The following PLBD1 variants were observed in gnomAD, a reference collection of about 807,000 sequenced individuals.
PLBD1 encodes the protein lysosomal leucine aminopeptidase.
A neutral mutation model predicts 63.0 loss-of-function variants in PLBD1; 60 were observed. The observed-to-expected ratio is 0.95, with a 90% CI of 0.77 to 1.18. The LOEUF (loss-of-function observed/expected upper bound fraction) is 1.18. Ranked by LOEUF, PLBD1 falls within the 50% of genes most tolerant of loss-of-function variation. PLBD1 has a pLI of 0.00. For synonymous variants in PLBD1, 262 were observed against 248.0 expected, an observed-to-expected ratio of 1.06 and a Z score of -0.53; for missense variants, 598 against 677.9, an observed-to-expected ratio of 0.88 and a Z score of 1.31.
At chr12:14,553,075 G>A in intron 2 of PLBD1, 118 bp downstream of exon 2, 2 of 915,848 alleles carry the variant, frequency 2.2e-6, no homozygotes, top group South Asian at 1.6e-5. Flanking sequence ...TATCACACAT[G>A]TGAACTCCAG....
intron 4 of PLBD1, among the ~76,000 whole-genome samples, chr12:14,537,284 T>C (rs1243100357): frequency 2.0e-5 from 3 of 152,126 alleles, no homozygotes; most frequent in Non-Finnish European, 4.4e-5. Context: ...GTTTGCACTC[T>C]ACAGCAGTGC....
At chr12:14,558,773 CTA>C (rs1374640421) in intron 1 of PLBD1, among the ~76,000 whole-genome samples, 2 of 152,174 alleles carry the variant, frequency 1.3e-5, no homozygotes, top group African/African-American at 4.8e-5. Flanking sequence ...AAACCAAGAG[CTA>C]TGTTTTCACT....
At chr12:14,512,152 CTTT>C (rs10708766) in intron 6 of PLBD1, among the ~76,000 whole-genome samples, 21 of 137,610 alleles carry the variant, frequency 1.5e-4, no homozygotes, top group East Asian at 2.1e-4. Flanking sequence ...TATAAGTCTA[CTTT>C]TTTTTTTTTT....
chr12:14,549,794 A>G (rs1330567190), intron 2 of PLBD1, among the ~76,000 whole-genome samples: 1 of 152,016 alleles, frequency 6.6e-6, no homozygotes, highest in Non-Finnish European at 1.5e-5. Flanking sequence ...CAGCCTCCCA[A>G]GTAGCTGGGA....
chr12:14,540,013 CATATATATATATATATATATAT>C (rs58124579), intron 4 of PLBD1, among the ~76,000 whole-genome samples: 1 of 22,780 alleles, frequency 4.4e-5, no homozygotes, highest in African/African-American at 9.8e-5. Context: ...AAGCTATGCA[CATATATATATATATATATATAT>C]ATATATATAT....
At chr12:14,506,347 G>C (rs1945256143) in intron 9 of PLBD1, 79 bp from the exon 10 acceptor site, 6 of 1,024,980 alleles carry the variant, frequency 5.9e-6, no homozygotes, top group Non-Finnish European at 8.9e-6. Context: ...TTTGAGGCCT[G>C]TTAAAGCCTA....
chr12:14,509,007 C>G (rs1472215635), intron 8 of PLBD1, among the ~76,000 whole-genome samples: 1 of 149,196 alleles, frequency 6.7e-6, no homozygotes, highest in African/African-American at 2.4e-5. Flanking sequence ...ACCCCGACGC[C>G]CCCGCCTTTT....
rs1375921765 is a variant in PLBD1 at position 14,567,863 on chromosome 12, G to A, written c.-167C>T. ...GCCCGGCCTGCTCCGGGCTCTGAGGGGCGAGGACGCTTCACGTGGTGGCCT... is the reference window on the plus strand; with the variant it reads ...GCCCGGCCTGCTCCGGGCTCTGAGGAGCGAGGACGCTTCACGTGGTGGCCT... On this transcript the variant is annotated 5_prime_UTR_variant, in exon 1 of 11. Transcript: ENST00000240617. 4.1e-6 allele frequency: 4 copies of A among 966,230 alleles called. No homozygotes were observed. Among genetic ancestry groups the A allele is most frequent in the African/African-American group, 1.7e-5 (1 of 57,932 alleles). The allele number at this position is 966,230 out of a possible 1,614,324, so 59.9% of individuals were successfully genotyped here.
Position 14,507,037 on chromosome 12 carries a change from C to T in PLBD1, c.1268G>A (p.Gly423Asp). The T allele has an allele frequency of 1.2e-6, 2 of 1,613,850 alleles. No individual in the cohort carries two copies. Among genetic ancestry groups the T allele is most frequent in the Non-Finnish European group, 1.7e-6 (2 of 1,179,854 alleles). ...SGYPLLVQKL[G>D]LDYSYDLAPR... is the part of the protein sequence containing the mutation. ...AGCTAAATCATAAGAGTAGTCCAAG[C>T]CCAGCTTCTGAACTAACAGTGGATA... The change falls in exon 9 of 11, where the codon GGC (glycine) becomes GAC (aspartate). Residue 423 changes from glycine (G) to aspartate (D), a missense_variant. By Grantham distance (94) the Gly-to-Asp change is moderately conservative. Coordinates refer to ENST00000240617, the MANE Select transcript of PLBD1 (RefSeq NM_024829.6).
intron 6 of PLBD1, among the ~76,000 whole-genome samples, chr12:14,521,422 G>T (rs565231387): frequency 6.6e-6 from 1 of 152,084 alleles, no homozygotes; most frequent in Non-Finnish European, 1.5e-5. Flanking sequence ...CACCCGTGGC[G>T]CATGAAACAA....
At chr12:14,556,931 C>T (rs1299506184) in intron 1 of PLBD1, among the ~76,000 whole-genome samples, 2 of 142,680 alleles carry the variant, frequency 1.4e-5, no homozygotes, top group African/African-American at 5.2e-5. Context: ...TTGCAGTGAG[C>T]CGAGATCGTG....
At chr12:14,533,558 T>G (rs775450104) in intron 6 of PLBD1, among the ~76,000 whole-genome samples, 1 of 152,224 alleles carries the variant, frequency 6.6e-6, no homozygotes. Flanking sequence ...CTGGAGAGCA[T>G]TGTATTCCAC....
At chr12:14,506,800 C>T (rs1196011299) in intron 9 of PLBD1, 133 bp downstream of exon 9, 2 of 692,566 alleles carry the variant, frequency 2.9e-6, no homozygotes, top group Admixed American at 3.4e-5. Context: ...ATAAAATGTA[C>T]AATATTAGTT....
chr12:14,506,937 G>C lies in PLBD1; in HGVS notation c.1368C>G (p.Tyr456Ter). The C allele has an allele frequency of 6.2e-7, 1 of 1,613,794 alleles. No individual in the cohort carries two copies. The highest frequency in any genetic ancestry group is 8.5e-7 in the Non-Finnish European group (1 of 1,179,778). Residue 456 changes from tyrosine (Y) to a stop codon, truncating the protein, a stop_gained, in exon 9 of 11, where the codon TAC becomes TAG. Transcript: ENST00000240617. LOFTEE classifies it high-confidence loss of function. Reference protein sequence around the residue: ...DTASMKYIMRYNNYKKDPYSR... With the variant: ...DTASMKYIMR Reference sequence around the variant, plus strand: ...CTTGAGAAATATGCTACGTACTGTTGTATCGCATGATATATTTCATGGATG... The same window carrying C: ...CTTGAGAAATATGCTACGTACTGTTCTATCGCATGATATATTTCATGGATG...
At chr12:14,521,121 T>G (rs1041221952) in intron 6 of PLBD1, among the ~76,000 whole-genome samples, 7 of 152,116 alleles carry the variant, frequency 4.6e-5, no homozygotes, top group African/African-American at 1.7e-4. Context: ...AGCTACTGTT[T>G]CCTATCCACC....
chr12:14,543,458 C>T (rs1945591183), intron 2 of PLBD1, among the ~76,000 whole-genome samples: 1 of 152,148 alleles, frequency 6.6e-6, no homozygotes, highest in Non-Finnish European at 1.5e-5. Flanking sequence ...ATGGTTCACA[C>T]TTGTAATCCC....
At position 14,542,272 on chromosome 12, in the gene PLBD1, T is replaced by C; in HGVS notation, c.355A>G (p.Thr119Ala). 6.2e-7 allele frequency: 1 copy of C among 1,609,630 alleles called. No individual in the cohort carries two copies. Among genetic ancestry groups the C allele is most frequent in the Non-Finnish European group, 8.5e-7 (1 of 1,175,926 alleles). ...LTAPHMNDHYTNLYPQLITKP... is the reference protein window; with the variant it reads ...LTAPHMNDHYANLYPQLITKP... ...GTGATCAGCTGTGGGTAGAGGTTTG[T>C]GTAGTGGTCATTCATGTGTCTGAAA... The change falls in exon 3 of 11, where the codon ACA becomes GCA. Residue 119 changes from threonine to alanine, a missense_variant. Coordinates refer to ENST00000240617, the MANE Select transcript of PLBD1 (RefSeq NM_024829.6).
intron 6 of PLBD1, among the ~76,000 whole-genome samples, chr12:14,533,910 G>A (rs1021028838): frequency 1.3e-5 from 2 of 152,230 alleles, no homozygotes; most frequent in Non-Finnish European, 2.9e-5. Flanking sequence ...TTGGGAGGCT[G>A]AGGCTGGAGG....
chr12:14,525,382 A>G (rs989597701), intron 6 of PLBD1, among the ~76,000 whole-genome samples: 2 of 152,138 alleles, frequency 1.3e-5, no homozygotes, highest in African/African-American at 4.8e-5. Context: ...ACTAAATAAA[A>G]TTTACAAAGC....
Sources: allele counts gnomAD v4.1 joint callset (sites outside exome capture counted in the v4.1 genomes callset), GRCh38; gene constraint gnomAD v4.1.1; transcripts MANE v1.5; gene names NCBI Gene and HGNC (gene_info 2026-07-23, HGNC 2026-07-21).